The following NHSL1 variants were observed in gnomAD, a reference collection of about 807,000 sequenced individuals.
NHSL1 encodes NHS-like protein 1.
A neutral mutation model predicts 95.0 loss-of-function variants in NHSL1; 48 were observed. That is an observed-to-expected ratio of 0.51 (90% CI 0.40 to 0.64). NHSL1 has a LOEUF of 0.64. Ranked by LOEUF, NHSL1 falls within the 30% of genes least tolerant of loss-of-function variation. The pLI, the probability that NHSL1 is intolerant of heterozygous loss-of-function variation, is 0.00. For synonymous variants in NHSL1, 783 were observed against 833.9 expected (o/e 0.94, Z 1.05); for missense variants, 1,971 against 2,077.7 (o/e 0.95, Z 1.00).
At chr6:138,675,530 T>C (rs1785437442) in intron 1 of NHSL1, among the ~76,000 whole-genome samples, 1 of 149,748 alleles carries the variant, frequency 6.7e-6, no homozygotes, top group South Asian at 2.1e-4. Context: ...TTACATTATT[T>C]ATTTATTTAT....
intron 1 of NHSL1, among the ~76,000 whole-genome samples, chr6:138,658,423 T>C (rs1384299528): frequency 2.0e-5 from 3 of 152,220 alleles, no homozygotes; most frequent in Admixed American, 2.0e-4. Context: ...AAATTCCACT[T>C]ATAAGTGATA....
intron 1 of NHSL1, among the ~76,000 whole-genome samples, chr6:138,608,267 A>G (rs1784461225): frequency 6.6e-6 from 1 of 152,234 alleles, no homozygotes; most frequent in Non-Finnish European, 1.5e-5. Context: ...ATACTGAGTA[A>G]TTTCTGAGAT....
chr6:138,528,497 G>A (rs1782004160), intron 1 of NHSL1, among the ~76,000 whole-genome samples: 1 of 152,130 alleles, frequency 6.6e-6, no homozygotes, highest in Admixed American at 6.5e-5. Flanking sequence ...TATAATTCTT[G>A]TTATTTGATG....
At chr6:138,615,503 C>T (rs1372344030) in intron 1 of NHSL1, among the ~76,000 whole-genome samples, 1 of 152,252 alleles carries the variant, frequency 6.6e-6, no homozygotes, top group Non-Finnish European at 1.5e-5. Context: ...CGGAGTCTCG[C>T]TCTGTCGCCC....
chr6:138,487,722 C>CT (rs1439796230), intron 2 of NHSL1, among the ~76,000 whole-genome samples: 49 of 152,166 alleles, frequency 3.2e-4, no homozygotes, highest in Non-Finnish European at 6.9e-4. Flanking sequence ...CAATATCCTG[C>CT]AGCTTACCAC....
At chr6:138,433,777 T>C (rs1775882506) in intron 5 of NHSL1, 97 bp from the exon 6 acceptor site, 2 of 1,397,996 alleles carry the variant, frequency 1.4e-6, no homozygotes, top group Admixed American at 3.1e-5. Flanking sequence ...AAAAAAATTT[T>C]TCTATTTGAT....
chr6:138,649,230 A>G (rs6570251), intron 1 of NHSL1, among the ~76,000 whole-genome samples: 47,622 of 151,610 alleles, frequency 0.31, 7,864 homozygotes, highest in African/African-American at 0.42. Flanking sequence ...GGAGGGTGTC[A>G]GCTCTATACA....
At chr6:138,489,902 GA>G (rs1223561928) in intron 2 of NHSL1, among the ~76,000 whole-genome samples, 1 of 86,594 alleles carries the variant, frequency 1.2e-5, no homozygotes, top group Non-Finnish European at 2.2e-5. Context: ...GAGAGGGAGA[GA>G]GCGAGAGGGG....
intron 1 of NHSL1, among the ~76,000 whole-genome samples, chr6:138,615,493 C>A (rs980140326): frequency 6.6e-6 from 1 of 152,232 alleles, no homozygotes; most frequent in Admixed American, 6.5e-5. Context: ...CTTTTTGAGA[C>A]GGAGTCTCGC....
chr6:138,649,714 C>T (rs1296260115), intron 1 of NHSL1, among the ~76,000 whole-genome samples: 1 of 152,128 alleles, frequency 6.6e-6, no homozygotes, highest in Admixed American at 6.5e-5. Context: ...TTGAGAAAAA[C>T]GCAGGCAGAG....
chr6:138,434,788 G>A (rs1223137449), intron 5 of NHSL1, among the ~76,000 whole-genome samples: 3 of 152,252 alleles, frequency 2.0e-5, no homozygotes, highest in Middle Eastern at 3.4e-3. Flanking sequence ...GGTTTCTAAG[G>A]CTTCCCTCTC....
At chr6:138,655,858 A>G (rs1049261144) in intron 1 of NHSL1, among the ~76,000 whole-genome samples, 1 of 152,154 alleles carries the variant, frequency 6.6e-6, no homozygotes, top group Non-Finnish European at 1.5e-5. Flanking sequence ...TACAACACCA[A>G]TTACTCTCTA....
chr6:138,585,328 C>T (rs923649019), intron 1 of NHSL1, among the ~76,000 whole-genome samples: 2 of 152,118 alleles, frequency 1.3e-5, no homozygotes, highest in Admixed American at 6.5e-5. Context: ...AGTGAGCACC[C>T]AAGTCTCACC....
Position 138,641,829 on chromosome 6 carries a change from T to C in NHSL1, c.96+50647A>G, listed in dbSNP as rs866557678. On this transcript the variant is annotated intron_variant, in intron 1 of 3. Transcript: ENST00000491526. ...CTTTCTACTCCTGCCTGAAAAGATATTCCCTCACTCTCAGTCCCCACCTCC... is the reference window on the plus strand; with the variant it reads ...CTTTCTACTCCTGCCTGAAAAGATACTCCCTCACTCTCAGTCCCCACCTCC... 4.6e-5 allele frequency among the ~76,000 whole-genome samples: 7 copies of C among 152,164 alleles called. No individual in the cohort carries two copies. In the South Asian group the frequency reaches 1.5e-3, roughly 32 times the overall value.
At chr6:138,429,873 G>A (rs758062294) in intron 6 of NHSL1, 30 bp from the exon 7 acceptor site, 15 of 1,535,352 alleles carry the variant, frequency 9.8e-6, no homozygotes, top group East Asian at 2.5e-5. Context: ...CATACAAGAC[G>A]CACAAGTGAC....
At chr6:138,636,708 T>C (rs901382827) in intron 1 of NHSL1, among the ~76,000 whole-genome samples, 7 of 152,056 alleles carry the variant, frequency 4.6e-5, no homozygotes, top group South Asian at 2.1e-4. Flanking sequence ...ACCAAAGAAG[T>C]TGAAGATCTC....
chr6:138,666,609 A>G (rs958147337), intron 1 of NHSL1, among the ~76,000 whole-genome samples: 85 of 151,488 alleles, frequency 5.6e-4, no homozygotes, highest in East Asian at 1.9e-4. Context: ...AAAAAAAAAA[A>G]AAGAAGATGT....
At chr6:138,619,307 C>A (rs1171182621) in intron 1 of NHSL1, among the ~76,000 whole-genome samples, 1 of 152,130 alleles carries the variant, frequency 6.6e-6, no homozygotes, top group African/African-American at 2.4e-5. Context: ...CACTGCACTC[C>A]AGCCTGGATG....
At chr6:138,614,773 C>T (rs193219007) in intron 1 of NHSL1, among the ~76,000 whole-genome samples, 4 of 152,230 alleles carry the variant, frequency 2.6e-5, no homozygotes, top group Non-Finnish European at 4.4e-5. Flanking sequence ...CACCTCCTGT[C>T]GGATCAGCGG....
Sources: allele counts gnomAD v4.1 joint callset (sites outside exome capture counted in the v4.1 genomes callset), GRCh38; gene constraint gnomAD v4.1.1; transcripts MANE v1.5; gene names NCBI Gene and HGNC (gene_info 2026-07-23, HGNC 2026-07-21).